The following EIF2AK3 variants were observed in gnomAD, a reference collection of about 807,000 sequenced individuals.
The protein encoded by EIF2AK3 is eukaryotic translation initiation factor 2 alpha kinase 3.
EIF2AK3 carries 50 observed loss-of-function variants against 113.5 expected under a neutral mutation model. The ratio of observed to expected loss-of-function variants is 0.44; its 90% confidence interval spans 0.35 to 0.56. The LOEUF (loss-of-function observed/expected upper bound fraction) is 0.56. Ranked by LOEUF, EIF2AK3 falls within the 20% of genes least tolerant of loss-of-function variation. EIF2AK3 has a pLI of 0.00. For synonymous variants in EIF2AK3, 448 were observed against 495.4 expected (o/e 0.90, Z 1.27); for missense variants, 1,185 against 1,378.0 (o/e 0.86, Z 2.22).
At chr2:88,609,945 CAAAAAAAAAAA>C (rs71378880) in intron 2 of EIF2AK3, among the ~76,000 whole-genome samples, 1 of 38,800 alleles carries the variant, frequency 2.6e-5, no homozygotes, top group Non-Finnish European at 4.8e-5. Context: ...TCCATCTCTA[CAAAAAAAAAAA>C]AAAAAAAAAA....
At chr2:88,609,384 G>A (rs907103416) in intron 2 of EIF2AK3, among the ~76,000 whole-genome samples, 4 of 152,084 alleles carry the variant, frequency 2.6e-5, no homozygotes, top group Non-Finnish European at 5.9e-5. Context: ...TAAAACTGCC[G>A]GTGCCTTGGC....
intron 2 of EIF2AK3, among the ~76,000 whole-genome samples, chr2:88,612,820 A>G (rs923465483): frequency 6.6e-6 from 1 of 152,212 alleles, no homozygotes; most frequent in African/African-American, 2.4e-5. Context: ...TTTTAAAGAA[A>G]AAGACTGATG....
In EIF2AK3 at chr2:88,627,102, C is replaced by G; in HGVS notation, c.173G>C (p.Arg58Pro). 1 of 1,541,342 alleles carries G rather than the reference C, an allele frequency of 6.5e-7. No individual in the cohort carries two copies. Among genetic ancestry groups the G allele is most frequent in the South Asian group, 1.2e-5 (1 of 84,758 alleles). ...AGCCACGGCGCCCGCCGCCGGTACT[C>G]GCGTCGCTGAGGTGGGAGCAGCGGC... The part of the protein sequence containing the change: ...GAAAAPTSAT[R>P]VPAAGAVAAA... The change falls in exon 1 of 17, where the codon CGA becomes CCA. Residue 58 changes from arginine to proline, a missense_variant. Arg to Pro is a moderately radical substitution (Grantham distance 103). Around this residue, in one of 3 missense-constraint regions of EIF2AK3, gnomAD observed 189 missense variants for 175.2 expected, o/e 1.08. Coordinates refer to ENST00000303236, the MANE Select transcript of EIF2AK3 (RefSeq NM_004836.7).
intron 2 of EIF2AK3, among the ~76,000 whole-genome samples, chr2:88,607,642 T>C (rs1161218107): frequency 1.3e-5 from 2 of 152,226 alleles, no homozygotes; most frequent in East Asian, 1.9e-4. Context: ...ATTTTTTCCA[T>C]TGACGTAATC....
At chr2:88,562,506 A>G in intron 14 of EIF2AK3, 116 bp from the exon 15 acceptor site, 3 of 799,420 alleles carry the variant, frequency 3.8e-6, no homozygotes, top group Non-Finnish European at 6.4e-6. Context: ...ATGCAAGTAC[A>G]TGTGTAAAAA....
chr2:88,587,912 T>A, intron 8 of EIF2AK3, 70 bp downstream of exon 8: 2 of 1,114,656 alleles, frequency 1.8e-6, no homozygotes, highest in Non-Finnish European at 2.5e-6. Flanking sequence ...CTAATCGACT[T>A]TTCTTCATTT....
rs752726105 is a variant in EIF2AK3 at position 88,574,773 on chromosome 2, A to C, written c.2710T>G (p.Cys904Gly). The change falls in exon 13 of 17, where the codon TGT becomes GGT. Residue 904 changes from cysteine to glycine, a missense_variant. Cys to Gly is a radical substitution (Grantham distance 159). This residue lies in a region of EIF2AK3 where 877 missense variants were observed against 1,024.2 expected (regional missense o/e 0.86). Coordinates refer to ENST00000303236, the MANE Select transcript of EIF2AK3 (RefSeq NM_004836.7). Reference sequence around the variant, plus strand: ...CTCCTCTCTCTCTCCTCTATGGTACATCGTCCATTCATCCAGTCTTTGAGG... The same window carrying C: ...CTCCTCTCTCTCTCCTCTATGGTACCTCGTCCATTCATCCAGTCTTTGAGG... ...ENLKDWMNGRCTIEERERSVC... is the reference protein window; with the variant it reads ...ENLKDWMNGRGTIEERERSVC... 1.2e-6 allele frequency: 2 copies of C among 1,614,068 alleles called. No individual in the cohort carries two copies. The highest frequency in any genetic ancestry group is 2.7e-5 in the African/African-American group (2 of 74,926).
In EIF2AK3 at chr2:88,627,134, G is replaced by A. The variant is rs1252830286; in HGVS notation, c.141C>T (p.Leu47=). The part of the protein sequence containing the change: ...PAPTAEAAFG[L]GAAAAPTSAT... The stretch of plus-strand genomic sequence containing the variant: ...CTGAGGTGGGAGCAGCGGCCGCCCC[G>A]AGGCCGAACGCCGCCTCCGCCGTCG... The change falls in exon 1 of 17, where the codon CTC becomes CTT. Residue 47 remains leucine (L), a synonymous_variant. Coordinates refer to ENST00000303236, the MANE Select transcript of EIF2AK3 (RefSeq NM_004836.7). 3.4e-6 allele frequency: 5 copies of A among 1,460,334 alleles called. No individual in the cohort carries two copies. Among genetic ancestry groups the A allele is most frequent in the African/African-American group, 1.5e-5 (1 of 67,680 alleles). The allele number at this position is 1,460,334 out of a possible 1,614,324, so 90.5% of individuals were successfully genotyped here.
At chr2:88,589,041 CAA>C (rs1428265871) in intron 6 of EIF2AK3, 140 bp from the exon 7 acceptor site, 19 of 978,918 alleles carry the variant, frequency 1.9e-5, no homozygotes, top group Non-Finnish European at 2.9e-5. Flanking sequence ...TTGAAGCACT[CAA>C]AGATAAACTC....
At chr2:88,569,318 C>T (rs764550277) in intron 14 of EIF2AK3, among the ~76,000 whole-genome samples, 11 of 149,372 alleles carry the variant, frequency 7.4e-5, no homozygotes, top group Non-Finnish European at 1.6e-4. Flanking sequence ...GTCTGGGTAA[C>T]ACAGCAAGAC....
At chr2:88,579,448 A>T in intron 11 of EIF2AK3, 70 bp downstream of exon 11, 1 of 1,588,158 alleles carries the variant, frequency 6.3e-7, no homozygotes, top group Non-Finnish European at 8.6e-7. Flanking sequence ...TACAGTAAGA[A>T]GGATATTTTA....
intron 3 of EIF2AK3, 125 bp from the exon 4 acceptor site, chr2:88,593,530 C>T (rs538035041): frequency 2.6e-6 from 3 of 1,155,356 alleles, no homozygotes; most frequent in Admixed American, 2.1e-5. Flanking sequence ...ATGAAGTACT[C>T]AAGTCATAAG....
intron 1 of EIF2AK3, among the ~76,000 whole-genome samples, chr2:88,625,330 C>A (rs1334854628): frequency 6.8e-6 from 1 of 147,424 alleles, no homozygotes; most frequent in South Asian, 2.2e-4. Flanking sequence ...CACACACAGA[C>A]ATACACAGAG....
At position 88,595,710 on chromosome 2, in the gene EIF2AK3, AT is replaced by A. The variant is rs759700087; in HGVS notation, c.439-48del. The A allele has an allele frequency of 6.5e-6, 10 of 1,536,358 alleles. No homozygotes were observed. In the South Asian group the frequency reaches 9.1e-5, roughly 14 times the overall value. On this transcript the variant is annotated intron_variant, in intron 2 of 16. Transcript: ENST00000303236. ...TAAAAGGGCCATAACATTAATTATT[AT>A]TTTTTTCTTATTTCTCCCAGAAAAA...
chr2:88,627,892 G>C (rs1033655927), upstream of EIF2AK3: 2 of 152,668 alleles, frequency 1.3e-5, no homozygotes, highest in Admixed American at 1.3e-4. Context: ...TGACTGTGAA[G>C]AGGACTGTCC....
At chr2:88,562,191 G>GC (rs1295060989) in intron 15 of EIF2AK3, 98 bp downstream of exon 15, 101 of 909,256 alleles carry the variant, frequency 1.1e-4, no homozygotes, top group Non-Finnish European at 7.3e-5. Context: ...TAACCAATCT[G>GC]CTGGTATTAA....
At chr2:88,570,149 TTC>T (rs1394303057) in intron 14 of EIF2AK3, among the ~76,000 whole-genome samples, 3 of 152,252 alleles carry the variant, frequency 2.0e-5, no homozygotes, top group Non-Finnish European at 4.4e-5. Context: ...TTTTATAAAT[TTC>T]TCTTTTAACT....
At chr2:88,620,724 C>T (rs752326675) in intron 1 of EIF2AK3, among the ~76,000 whole-genome samples, 12 of 152,224 alleles carry the variant, frequency 7.9e-5, no homozygotes, top group African/African-American at 1.2e-4. Context: ...ATATTTTTCT[C>T]ATTCCGGGAC....
chr2:88,611,816 G>A (rs535517141), intron 2 of EIF2AK3, among the ~76,000 whole-genome samples: 1 of 152,154 alleles, frequency 6.6e-6, no homozygotes, highest in East Asian at 1.9e-4. Context: ...ATTTAGACGG[G>A]GTTTTACTAT....
Sources: allele counts gnomAD v4.1 joint callset (sites outside exome capture counted in the v4.1 genomes callset), GRCh38; gene constraint gnomAD v4.1.1; regional missense constraint gnomAD v4.1.1; transcripts MANE v1.5; gene names NCBI Gene and HGNC (gene_info 2026-07-23, HGNC 2026-07-21).